NCOA2: variants seen among roughly 807,000 people sequenced by gnomAD.
NCOA2 encodes class E basic helix-loop-helix protein 75.
Under a neutral mutation model 145.1 loss-of-function variants are expected in NCOA2, and 21 were observed. The ratio of observed to expected loss-of-function variants is 0.14; its 90% CI spans 0.10 to 0.21. The LOEUF (loss-of-function observed/expected upper bound fraction) is 0.21. Among genes scored for constraint, NCOA2 ranks in the 10% least tolerant of loss-of-function variants. The probability of loss-of-function intolerance (pLI) is 1.00; values close to 1 mark genes in which losing one functional copy is unlikely to be tolerated. For synonymous variants in NCOA2, 619 were observed against 637.5 expected (o/e 0.97, Z 0.44); for missense variants, 1,472 against 1,837.6 (o/e 0.80, Z 3.64).
intron 1 of NCOA2, among the ~76,000 whole-genome samples, chr8:70,399,781 T>C (rs997424602): frequency 2.0e-5 from 3 of 152,270 alleles, no homozygotes; most frequent in Non-Finnish European, 4.4e-5. Flanking sequence ...CCATCCCCTT[T>C]TGTATTTTCC....
At chr8:70,390,726 C>A (rs573062289) in intron 1 of NCOA2, among the ~76,000 whole-genome samples, 1 of 152,180 alleles carries the variant, frequency 6.6e-6, no homozygotes, top group Non-Finnish European at 1.5e-5. Flanking sequence ...ATGATCCGTG[C>A]CACTGTACCC....
chr8:70,449,400 G>T, the NCOA2 span, among the ~76,000 whole-genome samples: 1 of 152,180 alleles, frequency 6.6e-6, no homozygotes, highest in Non-Finnish European at 1.5e-5. Flanking sequence ...AATCCAGAGG[G>T]AGTTTATTTA....
intron 1 of NCOA2, among the ~76,000 whole-genome samples, chr8:70,368,993 TAA>T (rs1810977398): frequency 6.6e-6 from 1 of 152,058 alleles, no homozygotes; most frequent in Non-Finnish European, 1.5e-5. Flanking sequence ...AAAATAACAG[TAA>T]AGTCTCAAAA....
chr8:70,401,187 G>T (rs993015474), intron 1 of NCOA2, among the ~76,000 whole-genome samples: 1 of 152,104 alleles, frequency 6.6e-6, no homozygotes, highest in Admixed American at 6.5e-5. Flanking sequence ...AGCAACCTGT[G>T]ATCTTTACAG....
Position 70,111,279 on chromosome 8 carries a change from G to A in NCOA2, c.*2353C>T, listed in dbSNP as rs1806515705. 1 of 226,746 alleles carries A rather than the reference G, an allele frequency of 4.4e-6. No homozygotes were observed. Among genetic ancestry groups the A allele is most frequent in the Non-Finnish European group, 8.8e-6 (1 of 114,074 alleles). The allele number at this position is 226,746 out of a possible 1,614,324, so 14.0% of individuals were successfully genotyped here. ...AGATAGGTAGATAGTTTTGGACGGTGTTGTAGTGAAAAGGGACTTGAAACT... is the reference window on the plus strand; with the variant it reads ...AGATAGGTAGATAGTTTTGGACGGTATTGTAGTGAAAAGGGACTTGAAACT... On this transcript the variant is annotated 3_prime_UTR_variant, in exon 23 of 23. Transcript: ENST00000452400.
intron 2 of NCOA2, among the ~76,000 whole-genome samples, chr8:70,252,102 T>C (rs1324605378): frequency 2.0e-5 from 3 of 152,212 alleles, no homozygotes; most frequent in Non-Finnish European, 2.9e-5. Context: ...TTTTTATTGG[T>C]TTTTAAAAAT....
At chr8:70,177,953 T>A (rs1815051901) in intron 4 of NCOA2, among the ~76,000 whole-genome samples, 1 of 152,210 alleles carries the variant, frequency 6.6e-6, no homozygotes, top group South Asian at 2.1e-4. Context: ...AAAATAATGA[T>A]GTTTGTGATA....
At chr8:70,289,224 T>C (rs866352932) in intron 2 of NCOA2, among the ~76,000 whole-genome samples, 16 of 152,320 alleles carry the variant, frequency 1.1e-4, no homozygotes, top group African/African-American at 3.6e-4. Context: ...ATTAGTAATC[T>C]AGATCAAATA....
chr8:70,293,889 C>T (rs1457977763), intron 2 of NCOA2, among the ~76,000 whole-genome samples: 4 of 152,090 alleles, frequency 2.6e-5, no homozygotes, highest in Non-Finnish European at 2.9e-5. Flanking sequence ...ACTCAAACTA[C>T]AGAATTCCAT....
chr8:70,124,216 G>A lies in NCOA2; in HGVS notation c.4095-134C>T, dbSNP rs531062451. ...AACTGCATGAACCCAGGCTGAGACA[G>A]CCGGCAGGTGGTGGGCTTGCTGAAG... On this transcript the variant is annotated intron_variant, in intron 20 of 22. Transcript: ENST00000452400. 10 of 800,726 alleles carry A rather than the reference G, an allele frequency of 1.2e-5. No homozygotes were observed. The East Asian group carries it at 2.8e-4, about 22-fold the overall frequency. The allele number at this position is 800,726 out of a possible 1,614,324, so 49.6% of individuals were successfully genotyped here.
chr8:70,188,371 C>A (rs1285453446), intron 4 of NCOA2, among the ~76,000 whole-genome samples: 2 of 152,176 alleles, frequency 1.3e-5, no homozygotes, highest in African/African-American at 2.4e-5. Flanking sequence ...CAAGTTAGTA[C>A]ACGACCTCAA....
intron 1 of NCOA2, among the ~76,000 whole-genome samples, chr8:70,302,929 G>A (rs1201575355): frequency 6.6e-6 from 1 of 152,112 alleles, no homozygotes; most frequent in Non-Finnish European, 1.5e-5. Context: ...ATATGACACA[G>A]TGAAAAATAA....
At chr8:70,132,658 G>A (rs1042845671) in intron 15 of NCOA2, among the ~76,000 whole-genome samples, 9 of 152,020 alleles carry the variant, frequency 5.9e-5, no homozygotes, top group Admixed American at 3.3e-4. Flanking sequence ...TCAACCTCCC[G>A]GGCTTAGGTG....
chr8:70,163,018 G>A (rs1340454907), intron 8 of NCOA2, among the ~76,000 whole-genome samples, 164 bp from the exon 9 acceptor site: 1 of 139,328 alleles, frequency 7.2e-6, no homozygotes, highest in Non-Finnish European at 1.5e-5. Context: ...GGGGTCAAAC[G>A]ACTCTTGTGA....
At chr8:70,177,198 A>AG (rs1176519682) in intron 4 of NCOA2, among the ~76,000 whole-genome samples, 1 of 152,162 alleles carries the variant, frequency 6.6e-6, no homozygotes, top group Non-Finnish European at 1.5e-5. Context: ...ACCTCCCTGG[A>AG]GGGGGGTCTA....
chr8:70,183,390 C>A (rs1026520644), intron 4 of NCOA2, among the ~76,000 whole-genome samples: 1 of 152,112 alleles, frequency 6.6e-6, no homozygotes, highest in Non-Finnish European at 1.5e-5. Context: ...TGTAGGAGTA[C>A]TTAATAAAGT....
At chr8:70,215,800 T>A (rs1260177901) in intron 3 of NCOA2, among the ~76,000 whole-genome samples, 1 of 152,260 alleles carries the variant, frequency 6.6e-6, no homozygotes, top group African/African-American at 2.4e-5. Context: ...ACAATTATTG[T>A]TTCTTGATTA....
At chr8:70,416,220 G>T in the NCOA2 span, among the ~76,000 whole-genome samples, 7,698 of 145,564 alleles carry the variant, frequency 0.053, 276 homozygotes, top group East Asian at 0.16. Flanking sequence ...CTCTTAATGC[G>T]CTCAGCTGAT....
intron 14 of NCOA2, among the ~76,000 whole-genome samples, chr8:70,138,765 T>A (rs116183726): frequency 0.012 from 1,819 of 152,356 alleles, 51 homozygotes; most frequent in African/African-American, 0.042. Context: ...ATTAAAAAAT[T>A]CTTTTATTGG....
Sources: allele counts gnomAD v4.1 joint callset (sites outside exome capture counted in the v4.1 genomes callset), GRCh38; gene constraint gnomAD v4.1.1; transcripts MANE v1.5; gene names NCBI Gene and HGNC (gene_info 2026-07-23, HGNC 2026-07-21).